ABR: variants seen among roughly 807,000 people sequenced by gnomAD.
ABR encodes active breakpoint cluster region-related protein.
Under a neutral mutation model 107.2 loss-of-function variants are expected in ABR, and 35 were observed. The observed-to-expected ratio is 0.33, with a 90% CI of 0.25 to 0.43. ABR has a LOEUF of 0.43. Ranked by LOEUF, ABR falls within the 20% of genes least tolerant of loss-of-function variation. ABR has a pLI of 1.00. For missense variants in ABR, 815 were observed against 1,115.2 expected (o/e 0.73, Z 3.83); for synonymous variants, 498 against 462.0 (o/e 1.08, Z -1.00).
At position 1,021,885 on chromosome 17, in the gene ABR, G is replaced by A. The variant is rs549483136; in HGVS notation, c.1792-8721C>T. Reference sequence around the variant, plus strand: ...GCTAGAAAATGACTCCCAGCCGGGCGCGGTGGCTCATGCCTGTAATCCCAG... The same window carrying A: ...GCTAGAAAATGACTCCCAGCCGGGCACGGTGGCTCATGCCTGTAATCCCAG... On this transcript the variant is annotated intron_variant, in intron 16 of 22. Transcript: ENST00000302538. 9.9e-5 allele frequency among the ~76,000 whole-genome samples: 15 copies of A among 151,482 alleles called. No homozygotes were observed. The East Asian group carries it at 1.8e-3, about 18-fold the overall frequency.
chr17:1,069,597 G>A (rs1414969548), intron 9 of ABR, among the ~76,000 whole-genome samples: 1 of 152,044 alleles, frequency 6.6e-6, no homozygotes, highest in Non-Finnish European at 1.5e-5. Context: ...GCTTGAACCC[G>A]GGAGGCAGAG....
chr17:1,031,611 AGCTTGTTGC>A, intron 16 of ABR: 1 of 1,165,506 alleles, frequency 8.6e-7, no homozygotes, highest in Admixed American at 5.0e-5. Context: ...GTTTCGGAGC[AGCTTGTTGC>A]GCACGCGGCC....
chr17:1,049,731 CCT>C (rs1489682102), intron 16 of ABR, among the ~76,000 whole-genome samples: 1 of 152,262 alleles, frequency 6.6e-6, no homozygotes, highest in Non-Finnish European at 1.5e-5. Flanking sequence ...ACCGACGCAG[CCT>C]CTGAGTCCTT....
intron 10 of ABR, among the ~76,000 whole-genome samples, 159 bp downstream of exon 10, chr17:1,066,918 C>G (rs1401778982): frequency 6.6e-6 from 1 of 152,142 alleles, no homozygotes; most frequent in African/African-American, 2.4e-5. Context: ...CACTGACCCC[C>G]TCGATCTGCT....
intron 5 of ABR, among the ~76,000 whole-genome samples, chr17:1,081,339 T>G (rs2036223999): frequency 1.3e-5 from 2 of 152,128 alleles, no homozygotes; most frequent in Admixed American, 6.5e-5. Flanking sequence ...CCTCCCAAAG[T>G]GCTGGGATTA....
chr17:1,181,437 C>T (rs1472541794), upstream of ABR, among the ~76,000 whole-genome samples: 3 of 152,120 alleles, frequency 2.0e-5, no homozygotes, highest in Non-Finnish European at 2.9e-5. Flanking sequence ...ATTAGCCCGT[C>T]CCTGCGTCCC....
At chr17:1,041,668 G>T (rs1239827994) in intron 16 of ABR, among the ~76,000 whole-genome samples, 4 of 152,212 alleles carry the variant, frequency 2.6e-5, no homozygotes, top group African/African-American at 9.6e-5. Context: ...GGGAGACGGA[G>T]GTTGCAGTGA....
At chr17:1,076,774 C>T (rs549544294) in intron 6 of ABR, among the ~76,000 whole-genome samples, 4 of 145,190 alleles carry the variant, frequency 2.8e-5, no homozygotes, top group Non-Finnish European at 4.4e-5. Flanking sequence ...CGGAGGGAAC[C>T]GGGGGAATAA....
intron 16 of ABR, among the ~76,000 whole-genome samples, chr17:1,014,449 AG>A (rs1483815069): frequency 4.7e-5 from 7 of 150,518 alleles, no homozygotes; most frequent in Non-Finnish European, 7.4e-5. Flanking sequence ...TCAAAAAAAA[AG>A]AAAAAACATC....
intron 16 of ABR, among the ~76,000 whole-genome samples, chr17:1,034,855 C>T (rs2073049779): frequency 6.6e-6 from 1 of 152,118 alleles, no homozygotes; most frequent in Non-Finnish European, 1.5e-5. Flanking sequence ...CCCCTCCCTG[C>T]CGCCGGGTGT....
At chr17:1,206,251 G>A (rs1026677087) in intron 1 of ABR, among the ~76,000 whole-genome samples, 2 of 152,218 alleles carry the variant, frequency 1.3e-5, no homozygotes, top group African/African-American at 2.4e-5. Flanking sequence ...ACACTGATGC[G>A]TTTATAGTGT....
chr17:1,021,486 A>AG (rs1378529373), intron 16 of ABR, among the ~76,000 whole-genome samples: 3 of 152,104 alleles, frequency 2.0e-5, no homozygotes, highest in South Asian at 2.1e-4. Context: ...TTTCCCTCAG[A>AG]GGGGGTTGCA....
chr17:1,186,647 T>G (rs368700581), intron 1 of ABR, among the ~76,000 whole-genome samples: 3 of 152,282 alleles, frequency 2.0e-5, no homozygotes, highest in East Asian at 3.9e-4. Flanking sequence ...CGAGCCACCG[T>G]TTTAGGAGGG....
chr17:1,057,859 G>A (rs917821280), intron 12 of ABR, 111 bp downstream of exon 12: 3 of 951,250 alleles, frequency 3.2e-6, no homozygotes, highest in African/African-American at 1.6e-5. Flanking sequence ...CACCTCTGAG[G>A]GTGACTGCGA....
Position 1,036,148 on chromosome 17 carries a change from C to T in ABR, c.1791+13902G>A, listed in dbSNP as rs143760386. Among the ~76,000 whole-genome samples, 302 of 152,324 alleles carry T rather than the reference C, an allele frequency of 2.0e-3. 1 individual carries two copies. Among genetic ancestry groups the T allele is most frequent in the African/African-American group, 6.9e-3 (287 of 41,568 alleles). On this transcript the variant is annotated intron_variant, in intron 16 of 22. Transcript: ENST00000302538. ...CCACCAGAACGACGCTCCTCTCCCCCAGCCCACACTTGAACCCCGATTCCT... is the reference window on the plus strand; with the variant it reads ...CCACCAGAACGACGCTCCTCTCCCCTAGCCCACACTTGAACCCCGATTCCT...
At chr17:1,190,338 A>G (rs2042404028), upstream of ABR, among the ~76,000 whole-genome samples, 3 of 152,176 alleles carry the variant, frequency 2.0e-5, no homozygotes, top group South Asian at 6.2e-4. Flanking sequence ...AATTTGCAAT[A>G]AAACTTGTTT....
At chr17:1,029,287 G>A (rs998689649) in intron 16 of ABR, among the ~76,000 whole-genome samples, 2 of 152,018 alleles carry the variant, frequency 1.3e-5, no homozygotes, top group Non-Finnish European at 2.9e-5. Context: ...CTCCTCCGGT[G>A]ACAAGAACAG....
At chr17:1,187,506 G>T (rs1429328087), upstream of ABR, among the ~76,000 whole-genome samples, 2 of 152,232 alleles carry the variant, frequency 1.3e-5, no homozygotes, top group African/African-American at 4.8e-5. Flanking sequence ...GGGGAGTCAG[G>T]AGGAGCTCCG....
chr17:1,035,282 A>T (rs941116678), intron 16 of ABR, among the ~76,000 whole-genome samples: 1 of 149,940 alleles, frequency 6.7e-6, no homozygotes, highest in Admixed American at 6.6e-5. Context: ...GGCTATCCCA[A>T]CCACCTGGGA....
Sources: allele counts gnomAD v4.1 joint callset (sites outside exome capture counted in the v4.1 genomes callset), GRCh38; gene constraint gnomAD v4.1.1; transcripts MANE v1.5; gene names NCBI Gene and HGNC (gene_info 2026-07-23, HGNC 2026-07-21).